The following RBMS3 variants were observed in gnomAD, a reference collection of about 807,000 sequenced individuals.
RBMS3 encodes the protein RNA binding motif single stranded interacting protein 3, also known as RNA-binding motif, single-stranded-interacting protein 3.
RBMS3 carries 27 observed loss-of-function variants against 66.8 expected under a neutral mutation model. The ratio of observed to expected loss-of-function variants is 0.40; its 90% CI spans 0.30 to 0.56. The LOEUF (loss-of-function observed/expected upper bound fraction) is 0.56. Ranked by LOEUF, RBMS3 falls within the 20% of genes least tolerant of loss-of-function variation. RBMS3 has a pLI of 0.40. For synonymous variants in RBMS3, 188 were observed against 183.0 expected, an observed-to-expected ratio of 1.03 and a Z score of -0.22; for missense variants, 513 against 549.5, an observed-to-expected ratio of 0.93 and a Z score of 0.66.
chr3:29,494,549 A>G (rs1194058816), intron 3 of RBMS3, among the ~76,000 whole-genome samples: 1 of 152,226 alleles, frequency 6.6e-6, no homozygotes, highest in Non-Finnish European at 1.5e-5. Context: ...TCTCATTCAG[A>G]TATTCAAACA....
intron 1 of RBMS3, among the ~76,000 whole-genome samples, chr3:29,425,215 A>T (rs1384934031): frequency 9.2e-6 from 1 of 108,842 alleles, no homozygotes; most frequent in African/African-American, 3.7e-5. Context: ...CCCAAAAAAA[A>T]CAAAAAAAAA....
At chr3:29,666,473 A>G (rs1244909502) in intron 4 of RBMS3, among the ~76,000 whole-genome samples, 2 of 152,172 alleles carry the variant, frequency 1.3e-5, no homozygotes, top group Non-Finnish European at 2.9e-5. Context: ...ATATTTTCAC[A>G]GGGCTTTCAG....
intron 2 of RBMS3, among the ~76,000 whole-genome samples, chr3:29,436,906 A>G (rs1337961348): frequency 6.6e-6 from 1 of 152,262 alleles, no homozygotes; most frequent in South Asian, 2.1e-4. Context: ...TTTCTATTGT[A>G]TAAAGTTTCA....
intron 10 of RBMS3, among the ~76,000 whole-genome samples, chr3:29,923,443 GAT>G (rs1303771140): frequency 6.6e-6 from 1 of 152,204 alleles, no homozygotes; most frequent in African/African-American, 2.4e-5. Flanking sequence ...AGGAATGAAA[GAT>G]GTGTTGTTGG....
chr3:29,826,456 A>G (rs190078053), intron 6 of RBMS3, among the ~76,000 whole-genome samples: 2 of 152,274 alleles, frequency 1.3e-5, no homozygotes, highest in Admixed American at 1.3e-4. Context: ...AATTTAACGT[A>G]TAACTCTTGT....
chr3:29,344,278 T>C (rs963371364), intron 1 of RBMS3, among the ~76,000 whole-genome samples: 2 of 152,206 alleles, frequency 1.3e-5, no homozygotes, highest in Admixed American at 1.3e-4. Context: ...CCAGGTGCTG[T>C]GCTAGGCATC....
chr3:29,789,471 A>G (rs1172701058), intron 6 of RBMS3, among the ~76,000 whole-genome samples: 4 of 152,110 alleles, frequency 2.6e-5, no homozygotes, highest in African/African-American at 9.7e-5. Flanking sequence ...TTGTTCTACT[A>G]TTGAATAATA....
At chr3:29,830,277 T>A (rs1259940736) in intron 6 of RBMS3, among the ~76,000 whole-genome samples, 1 of 152,156 alleles carries the variant, frequency 6.6e-6, no homozygotes, top group Non-Finnish European at 1.5e-5. Flanking sequence ...ATATCGGTGA[T>A]CATAAAAATA....
intron 4 of RBMS3, among the ~76,000 whole-genome samples, chr3:29,621,088 C>T (rs2048850107): frequency 6.6e-6 from 1 of 151,908 alleles, no homozygotes; most frequent in South Asian, 2.1e-4. Context: ...AGGCCCATGT[C>T]AGAATTAAAC....
intron 1 of RBMS3, among the ~76,000 whole-genome samples, chr3:29,288,928 A>T (rs796393724): frequency 5.5e-4 from 83 of 152,062 alleles, no homozygotes; most frequent in African/African-American, 2.0e-3. Context: ...TTCTTTTGAG[A>T]TTCCCTTCTT....
intron 12 of RBMS3, among the ~76,000 whole-genome samples, chr3:29,978,446 CA>C (rs879413491): frequency 7.6e-4 from 113 of 148,760 alleles, no homozygotes; most frequent in Admixed American, 3.8e-3. Flanking sequence ...TTTTCTGTGA[CA>C]AAAAAAAAGC....
chr3:29,367,129 G>A (rs1018187265), intron 1 of RBMS3, among the ~76,000 whole-genome samples: 1 of 152,004 alleles, frequency 6.6e-6, no homozygotes, highest in African/African-American at 2.4e-5. Context: ...GGAGAGAATT[G>A]AATGTGCTTA....
At chr3:29,784,930 AGAG>A (rs747016060) in intron 6 of RBMS3, among the ~76,000 whole-genome samples, 2 of 152,110 alleles carry the variant, frequency 1.3e-5, no homozygotes, top group African/African-American at 2.4e-5. Context: ...TGGAAAACCT[AGAG>A]GAGATGGATA....
chr3:29,314,923 T>C (rs1037927134), intron 1 of RBMS3, among the ~76,000 whole-genome samples: 2 of 151,728 alleles, frequency 1.3e-5, no homozygotes, highest in East Asian at 1.9e-4. Context: ...GTAAGAAATA[T>C]GCCAAAAATC....
intron 1 of RBMS3, among the ~76,000 whole-genome samples, chr3:29,291,727 A>T (rs1198915467): frequency 6.6e-6 from 1 of 151,768 alleles, no homozygotes; most frequent in East Asian, 1.9e-4. Flanking sequence ...TTTACCTAGG[A>T]TAATAACATC....
intron 3 of RBMS3, among the ~76,000 whole-genome samples, chr3:29,557,706 G>C (rs975912612): frequency 2.6e-5 from 4 of 152,228 alleles, no homozygotes; most frequent in African/African-American, 9.6e-5. Context: ...GTGGCCTAAA[G>C]GAAACCTACT....
chr3:29,387,711 G>T (rs971713388), intron 1 of RBMS3, among the ~76,000 whole-genome samples: 2 of 151,530 alleles, frequency 1.3e-5, no homozygotes, highest in African/African-American at 4.9e-5. Flanking sequence ...GACCATCCTG[G>T]GTAACACGGT....
At chr3:29,495,313 G>A (rs1295792384) in intron 3 of RBMS3, among the ~76,000 whole-genome samples, 6 of 151,716 alleles carry the variant, frequency 4.0e-5, no homozygotes, top group African/African-American at 1.5e-4. Flanking sequence ...ATAAATATTA[G>A]GCCATACACT....
chr3:29,569,581 T>G (rs985649134), intron 3 of RBMS3, among the ~76,000 whole-genome samples: 14 of 152,148 alleles, frequency 9.2e-5, no homozygotes, highest in Non-Finnish European at 2.1e-4. Context: ...TTGAGATGGA[T>G]CCAACTTAAT....
Sources: gnomAD v4.1 joint callset for allele counts (sites outside exome capture counted in the v4.1 genomes callset) on GRCh38, gnomAD v4.1.1 for gene constraint, MANE v1.5 for transcripts, NCBI Gene and HGNC (gene_info 2026-07-23, HGNC 2026-07-21) for gene names.